The following LAMP3 variants were observed in gnomAD, a reference collection of about 807,000 sequenced individuals.
LAMP3 encodes the protein lysosome associated membrane protein 3.
In LAMP3, 26 loss-of-function variants were observed where a neutral mutation model predicts 34.8. The observed-to-expected ratio is 0.75, with a 90% CI of 0.55 to 1.04. LAMP3 has a LOEUF of 1.04. Ranked by LOEUF, LAMP3 falls within the 50% of genes least tolerant of loss-of-function variation. The pLI, the probability that LAMP3 is intolerant of heterozygous loss-of-function variation, is 0.00. For missense variants in LAMP3, 495 were observed against 524.0 expected, an observed-to-expected ratio of 0.94 and a Z score of 0.54; for synonymous variants, 180 against 201.9, an observed-to-expected ratio of 0.89 and a Z score of 0.92.
rs1679750104 is a variant in LAMP3, at chr3:183,135,708, T to C, written c.1117+9A>G. ...TGTATGTTTGCAACCTGATCGACCC[T>C]TAACTTACCATTTCCAAAGTGGTCA... On this transcript the variant is annotated intron_variant, in intron 5 of 5. Transcript: ENST00000265598. The C allele has an allele frequency of 6.2e-7, 1 of 1,613,742 alleles. No homozygotes were observed. The highest frequency in any genetic ancestry group is 1.1e-5 in the South Asian group (1 of 91,072).
At position 183,123,601 on chromosome 3, in the gene LAMP3, C is replaced by T. The variant is rs987170515; in HGVS notation, c.*480G>A. On this transcript the variant is annotated 3_prime_UTR_variant, in exon 6 of 6. Coordinates refer to ENST00000265598, the MANE Select transcript of LAMP3 (RefSeq NM_014398.4). ...TTTAAAGTGGAAAAGGAGTTAAGTG[C>T]TACACCAGGAATATGTATGTTACAT... 1.9e-5 allele frequency: 3 copies of T among 155,750 alleles called. No individual in the cohort carries two copies. Among genetic ancestry groups the T allele is most frequent in the African/African-American group, 7.2e-5 (3 of 41,442 alleles). The allele number at this position is 155,750 out of a possible 1,614,324, so 9.6% of individuals were successfully genotyped here. A position where few individuals can be genotyped will look rare whatever the true frequency, so the allele number is the denominator to read the frequency against.
chr3:183,143,715 G>T (rs1234595656), intron 3 of LAMP3, among the ~76,000 whole-genome samples: 3 of 152,014 alleles, frequency 2.0e-5, no homozygotes, highest in African/African-American at 7.3e-5. Flanking sequence ...GAAAAAAAAA[G>T]ATTCCAAGTT....
chr3:183,131,254 T>A (rs1719910203), intron 5 of LAMP3, among the ~76,000 whole-genome samples: 1 of 152,206 alleles, frequency 6.6e-6, no homozygotes, highest in African/African-American at 2.4e-5. Context: ...TCTTGTTTCA[T>A]CTGCTAGGGG....
intron 5 of LAMP3, among the ~76,000 whole-genome samples, chr3:183,126,561 T>TGC (rs1024732051): frequency 0.02 from 2,979 of 147,608 alleles, 510 homozygotes; most frequent in Non-Finnish European, 0.026. Context: ...TGTGTGTGTG[T>TGC]GTGCACACGT....
chr3:183,140,495 A>G (rs1401135653), intron 4 of LAMP3, 43 bp downstream of exon 4: 2 of 1,178,060 alleles, frequency 1.7e-6, no homozygotes, highest in Non-Finnish European at 2.5e-6. Context: ...ACCAACAGAA[A>G]CAGCGTCATG....
intron 1 of LAMP3, among the ~76,000 whole-genome samples, chr3:183,156,522 A>C (rs1465423487): frequency 6.6e-6 from 1 of 152,210 alleles, no homozygotes; most frequent in Non-Finnish European, 1.5e-5. Context: ...AGAAAGGGAA[A>C]GGAGATCACG....
chr3:183,140,585 G>T lies in LAMP3; in HGVS notation c.899C>A (p.Ser300Ter). The change falls in exon 4 of 6, where the codon TCA becomes TAA. Residue 300 changes from serine to a stop codon, truncating the protein, a stop_gained. Transcript: ENST00000265598. LOFTEE classifies it high-confidence loss of function. ...VNLTFTKDEE[S>*]YYISEVGAYL... ...GGCTCCCACTTCACTGATATAATATGATTCTTCATCCTGTAAAACAGTAGG... is the reference window on the plus strand; with the variant it reads ...GGCTCCCACTTCACTGATATAATATTATTCTTCATCCTGTAAAACAGTAGG... The T allele has an allele frequency of 6.3e-7, 1 of 1,598,556 alleles. No homozygotes were observed. Among genetic ancestry groups the T allele is most frequent in the South Asian group, 1.1e-5 (1 of 90,694 alleles).
Position 183,153,731 on chromosome 3 carries a change from C to T in LAMP3, c.710G>A (p.Cys237Tyr). ...IYQVLNGSRL[C>Y]IKAEMGIQLI... ...CTGTATCCCCATCTCTGCTTTTATA[C>T]AGAGTCTGCTTCCGTTTAGAACCTG... Residue 237 changes from cysteine to tyrosine, a missense_variant, in exon 2 of 6, where the codon TGT becomes TAT. Cys to Tyr is a radical substitution (Grantham distance 194). Coordinates refer to ENST00000265598, the MANE Select transcript of LAMP3 (RefSeq NM_014398.4). The T allele has an allele frequency of 1.3e-6, 2 of 1,534,778 alleles. No homozygotes were observed. Among genetic ancestry groups the T allele is most frequent in the Non-Finnish European group, 1.7e-6 (2 of 1,143,292 alleles).
At chr3:183,153,098 C>A (rs541231546) in intron 2 of LAMP3, among the ~76,000 whole-genome samples, 45 of 145,546 alleles carry the variant, frequency 3.1e-4, no homozygotes, top group African/African-American at 1.1e-3. Context: ...TCGCTTGAAC[C>A]AGGGAGGTGG....
chr3:183,135,294 G>C (rs1576872407), intron 5 of LAMP3, among the ~76,000 whole-genome samples: 1 of 152,188 alleles, frequency 6.6e-6, no homozygotes, highest in Non-Finnish European at 1.5e-5. Context: ...GCTGCATCTT[G>C]CTCTTTTCCC....
chr3:183,133,604 C>G (rs763812899), intron 5 of LAMP3, among the ~76,000 whole-genome samples: 3 of 152,176 alleles, frequency 2.0e-5, no homozygotes, highest in Non-Finnish European at 4.4e-5. Flanking sequence ...GATCCACCTG[C>G]CTTGGCCTCC....
intron 1 of LAMP3, among the ~76,000 whole-genome samples, chr3:183,157,900 G>C (rs1010465070): frequency 6.6e-6 from 1 of 152,138 alleles, no homozygotes. Flanking sequence ...GTCAAGGTGT[G>C]CTTCCTATGT....
At chr3:183,157,790 C>T (rs1720864219) in intron 1 of LAMP3, among the ~76,000 whole-genome samples, 1 of 152,068 alleles carries the variant, frequency 6.6e-6, no homozygotes, top group Non-Finnish European at 1.5e-5. Flanking sequence ...TAGAACTCTT[C>T]TCTCAGTGGT....
In LAMP3 at chr3:183,162,719, A is replaced by G. The variant is rs1213078062; in HGVS notation, c.-64T>C. ...TCCGGGCAGGCCCCGAATCGGTGCC[A>G]GAGAAACCTACCTGTGCCGGAGAAA... is the stretch of plus-strand genomic sequence containing the variant. On this transcript the variant is annotated 5_prime_UTR_variant, in exon 1 of 6. Coordinates refer to ENST00000265598, the MANE Select transcript of LAMP3 (RefSeq NM_014398.4). 2.9e-6 allele frequency: 4 copies of G among 1,402,244 alleles called. No homozygotes were observed. Among genetic ancestry groups the G allele is most frequent in the Non-Finnish European group, 3.8e-6 (4 of 1,063,348 alleles). 86.9% of individuals were successfully genotyped at this position (1,402,244 alleles called of 1,614,324 possible).
rs749458698 is a variant in LAMP3, at chr3:183,123,149, C to G, written c.*932G>C. 1 of 152,140 alleles carries G rather than the reference C, an allele frequency of 6.6e-6. No homozygotes were observed. The highest frequency in any genetic ancestry group is 1.5e-5 in the Non-Finnish European group (1 of 68,036). The allele number at this position is 152,140 out of a possible 1,614,324, so 9.4% of individuals were successfully genotyped here. ...TGTAGCCACCTAATTCTTAGTCTAGCGATTCTGGAGCAGGAGTCATCAAGA... is the reference window on the plus strand; with the variant it reads ...TGTAGCCACCTAATTCTTAGTCTAGGGATTCTGGAGCAGGAGTCATCAAGA... On this transcript the variant is annotated 3_prime_UTR_variant, in exon 6 of 6. Transcript: ENST00000265598.
At chr3:183,149,316 C>T (rs1394411346) in intron 3 of LAMP3, among the ~76,000 whole-genome samples, 3 of 151,352 alleles carry the variant, frequency 2.0e-5, no homozygotes, top group Admixed American at 6.6e-5. Context: ...CTCAGGGGGG[C>T]GGATCACGAG....
intron 1 of LAMP3, among the ~76,000 whole-genome samples, chr3:183,156,387 A>AACAAACT (rs1403836900): frequency 6.6e-6 from 1 of 152,144 alleles, no homozygotes; most frequent in Admixed American, 6.6e-5. Flanking sequence ...AACAACAAAC[A>AACAAACT]GACGATGTCT....
chr3:183,132,550 C>T (rs1188249059), intron 5 of LAMP3: 1 of 985,236 alleles, frequency 1.0e-6, no homozygotes, highest in Non-Finnish European at 1.2e-6. Context: ...GCCTATTGCC[C>T]CTAATTCCGG....
intron 1 of LAMP3, among the ~76,000 whole-genome samples, chr3:183,156,748 G>A (rs2108614114): frequency 6.6e-6 from 1 of 152,242 alleles, no homozygotes. Context: ...ACTTTGGTGG[G>A]TACTACTTTA....
Sources: allele counts gnomAD v4.1 joint callset (sites outside exome capture counted in the v4.1 genomes callset), GRCh38; gene constraint gnomAD v4.1.1; transcripts MANE v1.5; gene names NCBI Gene and HGNC (gene_info 2026-07-23, HGNC 2026-07-21).